Variants in KCTD8 observed in about 807,000 individuals in gnomAD.
KCTD8 encodes BTB/POZ domain-containing protein KCTD8.
KCTD8 carries 27 observed loss-of-function variants against 31.5 expected under a neutral mutation model. That is an observed-to-expected ratio of 0.86 (90% CI 0.63 to 1.18). KCTD8 has a LOEUF of 1.18. Among genes scored for constraint, KCTD8 ranks in the 50% most tolerant of loss-of-function variants. The pLI is 0.00. For missense variants in KCTD8, 658 were observed against 647.7 expected (o/e 1.02, Z -0.17); for synonymous variants, 290 against 280.0 (o/e 1.04, Z -0.36).
At chr4:44,297,221 A>T (rs1717461020) in intron 1 of KCTD8, among the ~76,000 whole-genome samples, 1 of 152,134 alleles carries the variant, frequency 6.6e-6, no homozygotes, top group African/African-American at 2.4e-5. Flanking sequence ...TAAGCCCAAT[A>T]ATTGGAACAA....
At chr4:44,339,709 T>C (rs1195065465) in intron 1 of KCTD8, among the ~76,000 whole-genome samples, 2 of 152,024 alleles carry the variant, frequency 1.3e-5, no homozygotes, top group African/African-American at 4.8e-5. Context: ...AATGTTAAAA[T>C]GCTACAAAAA....
chr4:44,432,378 T>C (rs1447633196), intron 1 of KCTD8, among the ~76,000 whole-genome samples: 1 of 151,604 alleles, frequency 6.6e-6, no homozygotes, highest in Non-Finnish European at 1.5e-5. Context: ...TTTCACTTAA[T>C]AGTTTAGCAA....
chr4:44,416,591 A>C (rs1269446408), intron 1 of KCTD8, among the ~76,000 whole-genome samples: 1 of 152,082 alleles, frequency 6.6e-6, no homozygotes, highest in African/African-American at 2.4e-5. Flanking sequence ...ATGAGTTCTC[A>C]GTTCACTCAA....
At chr4:44,424,789 G>A (rs1033286535) in intron 1 of KCTD8, among the ~76,000 whole-genome samples, 3 of 151,942 alleles carry the variant, frequency 2.0e-5, no homozygotes, top group Non-Finnish European at 4.4e-5. Flanking sequence ...TATCTACCAG[G>A]AACATTTGCT....
At chr4:44,425,892 A>T (rs1209874325) in intron 1 of KCTD8, among the ~76,000 whole-genome samples, 4 of 151,924 alleles carry the variant, frequency 2.6e-5, no homozygotes, top group Admixed American at 6.6e-5. Flanking sequence ...TCTCCTGGAC[A>T]TTGTCTTGCA....
At chr4:44,271,741 C>T (rs752923787) in intron 1 of KCTD8, among the ~76,000 whole-genome samples, 11 of 152,210 alleles carry the variant, frequency 7.2e-5, no homozygotes, top group South Asian at 6.2e-4. Context: ...CCCTTTGTTT[C>T]GGCCCATCCC....
intron 1 of KCTD8, among the ~76,000 whole-genome samples, chr4:44,398,178 A>G (rs1037638579): frequency 1.3e-5 from 2 of 152,198 alleles, no homozygotes; most frequent in African/African-American, 2.4e-5. Flanking sequence ...AGGCCTTTAA[A>G]GAGTTTAAAG....
intron 1 of KCTD8, among the ~76,000 whole-genome samples, chr4:44,414,103 A>G (rs761101077): frequency 2.0e-5 from 3 of 152,180 alleles, no homozygotes; most frequent in Non-Finnish European, 4.4e-5. Context: ...CCAGGACTAT[A>G]GGAGAATAAA....
At chr4:44,316,794 C>T (rs992215920) in intron 1 of KCTD8, among the ~76,000 whole-genome samples, 2 of 9,854 alleles carry the variant, frequency 2.0e-4, no homozygotes, top group African/African-American at 8.8e-4. Flanking sequence ...ACTAAAAATA[C>T]GAAAAAAAAA....
intron 1 of KCTD8, among the ~76,000 whole-genome samples, chr4:44,358,142 C>A (rs923153534): frequency 6.6e-6 from 1 of 151,626 alleles, no homozygotes; most frequent in African/African-American, 2.4e-5. Context: ...TGAGAACATG[C>A]AGTGTTTGGT....
At chr4:44,191,608 T>C (rs1218393168) in intron 1 of KCTD8, among the ~76,000 whole-genome samples, 2 of 152,126 alleles carry the variant, frequency 1.3e-5, no homozygotes, top group Non-Finnish European at 2.9e-5. Flanking sequence ...GGAGTGTCTG[T>C]CCTATGAGGT....
At chr4:44,436,810 T>A (rs1392520935) in intron 1 of KCTD8, among the ~76,000 whole-genome samples, 1 of 152,096 alleles carries the variant, frequency 6.6e-6, no homozygotes, top group Non-Finnish European at 1.5e-5. Flanking sequence ...GACAATAACA[T>A]CTAAGCAAAG....
At chr4:44,224,304 T>C (rs1392683339) in intron 1 of KCTD8, among the ~76,000 whole-genome samples, 1 of 152,188 alleles carries the variant, frequency 6.6e-6, no homozygotes, top group Non-Finnish European at 1.5e-5. Context: ...AAGTGCTCTA[T>C]CAAACTGACC....
chr4:44,184,117 T>C (rs1240333264), intron 1 of KCTD8, among the ~76,000 whole-genome samples: 1 of 152,170 alleles, frequency 6.6e-6, no homozygotes, highest in Non-Finnish European at 1.5e-5. Flanking sequence ...TATCAAGTAG[T>C]TCAGGCTTGG....
intron 1 of KCTD8, among the ~76,000 whole-genome samples, chr4:44,285,344 C>A (rs756503513): frequency 2.0e-4 from 31 of 152,004 alleles, no homozygotes; most frequent in Admixed American, 9.8e-4. Flanking sequence ...AAGCTGGAAA[C>A]CATCATTCTC....
chr4:44,353,967 T>C (rs1719280684), intron 1 of KCTD8, among the ~76,000 whole-genome samples: 2 of 152,300 alleles, frequency 1.3e-5, no homozygotes, highest in Admixed American at 1.3e-4. Context: ...ACCATTGGAA[T>C]TGGTAACCCT....
At chr4:44,440,446 T>G (rs576360734) in intron 1 of KCTD8, among the ~76,000 whole-genome samples, 1 of 152,322 alleles carries the variant, frequency 6.6e-6, no homozygotes, top group African/African-American at 2.4e-5. Context: ...GTAACCTCTC[T>G]ATAACATAAT....
In KCTD8 at chr4:44,182,200, G is replaced by A. The variant is rs952072560; in HGVS notation, c.962-6950C>T. Among the ~76,000 whole-genome samples, 171 of 149,846 alleles carry A rather than the reference G, an allele frequency of 1.1e-3. No homozygotes were observed. The Middle Eastern group carries it at 0.012, about 10-fold the overall frequency. ...GCGCCTCCGCCTGGCCGGCCGACCC[G>A]TCCGGGAGGTGGGGGGCACCTCTGC... On this transcript the variant is annotated intron_variant, in intron 1 of 1. Transcript: ENST00000360029.
chr4:44,362,214 A>G (rs1372126828), intron 1 of KCTD8, among the ~76,000 whole-genome samples: 1 of 152,176 alleles, frequency 6.6e-6, no homozygotes, highest in Admixed American at 6.6e-5. Context: ...ATGCAAGTGT[A>G]GGCAGGTTGT....
Sources: gnomAD v4.1 joint callset for allele counts (sites outside exome capture counted in the v4.1 genomes callset) on GRCh38, gnomAD v4.1.1 for gene constraint, MANE v1.5 for transcripts, NCBI Gene and HGNC (gene_info 2026-07-23, HGNC 2026-07-21) for gene names.